The following TMEM143 variants were observed in gnomAD, a reference collection of about 807,000 sequenced individuals.
TMEM143 encodes the protein transmembrane protein 143.
A neutral mutation model predicts 40.3 loss-of-function variants in TMEM143; 45 were observed. That is an observed-to-expected ratio of 1.12 (90% CI 0.88 to 1.43). TMEM143 has a LOEUF of 1.43. Among genes scored for constraint, TMEM143 ranks in the 40% most tolerant of loss-of-function variants. TMEM143 has a pLI of 0.00. For synonymous variants in TMEM143, 299 were observed against 282.7 expected (o/e 1.06, Z -0.58); for missense variants, 620 against 613.4 (o/e 1.01, Z -0.11).
intron 3 of TMEM143, among the ~76,000 whole-genome samples, chr19:48,355,097 A>G (rs1389604331): frequency 6.6e-6 from 1 of 151,436 alleles, no homozygotes; most frequent in Non-Finnish European, 1.5e-5. Context: ...GCTCACTGCA[A>G]CCTCCACCTC....
Position 48,363,879 on chromosome 19 carries a change from C to A in TMEM143, c.23+19G>T, listed in dbSNP as rs372676457. 165 of 1,613,948 alleles carry A rather than the reference C, an allele frequency of 1.0e-4. No individual in the cohort carries two copies. Among genetic ancestry groups the A allele is most frequent in the Middle Eastern group, 6.6e-4 (4 of 6,060 alleles). On this transcript the variant is annotated intron_variant, in intron 1 of 7. Coordinates refer to ENST00000293261, the MANE Select transcript of TMEM143 (RefSeq NM_018273.4). ...GGGCCGCCCTCCCTGGCCATGCAAT[C>A]CCCCGATTTCTCCCTCACCTTAGCC...
At chr19:48,358,502 G>C (rs578104753) in intron 3 of TMEM143, among the ~76,000 whole-genome samples, 1 of 151,634 alleles carries the variant, frequency 6.6e-6, no homozygotes, top group Non-Finnish European at 1.5e-5. Flanking sequence ...ATCCCACCAC[G>C]GTCTCCCCCA....
At chr19:48,346,486 C>T (rs1969636239) in intron 3 of TMEM143, among the ~76,000 whole-genome samples, 1 of 152,186 alleles carries the variant, frequency 6.6e-6, no homozygotes, top group African/African-American at 2.4e-5. Context: ...ATCTCCTTTG[C>T]TGCTATCTTC....
At chr19:48,351,348 C>T (rs977581845) in intron 3 of TMEM143, among the ~76,000 whole-genome samples, 1 of 152,202 alleles carries the variant, frequency 6.6e-6, no homozygotes, top group African/African-American at 2.4e-5. Flanking sequence ...GATGCAAAAT[C>T]TAACTGCTTC....
chr19:48,356,427 T>TA (rs1969896951), intron 3 of TMEM143, among the ~76,000 whole-genome samples: 1 of 92,860 alleles, frequency 1.1e-5, no homozygotes, highest in African/African-American at 3.7e-5. Flanking sequence ...CGCCCGGCCC[T>TA]CCTTTTTTTT....
At position 48,363,341 on chromosome 19, in the gene TMEM143, C is replaced by T; in HGVS notation, c.214G>A (p.Glu72Lys). ...EPRDWAQQYR[E>K]RFIPFSKEQL... ...TCCTTGGAGAAGGGAATGAAGCGCT[C>T]GCGGTACTGCTGGGCCCAGTCGCGG... Residue 72 changes from glutamate to lysine, a missense_variant, in exon 2 of 8, where the codon GAG becomes AAG. By Grantham distance (56) the Glu-to-Lys change is moderately conservative. Transcript: ENST00000293261. The T allele has an allele frequency of 3.1e-6, 5 of 1,614,208 alleles. No individual in the cohort carries two copies. Among genetic ancestry groups the T allele is most frequent in the Non-Finnish European group, 4.2e-6 (5 of 1,180,038 alleles).
Position 48,363,882 on chromosome 19 carries a change from C to T in TMEM143, c.23+16G>A, listed in dbSNP as rs775728434. On this transcript the variant is annotated intron_variant, in intron 1 of 7. Transcript: ENST00000293261. The stretch of plus-strand genomic sequence containing the variant: ...CCGCCCTCCCTGGCCATGCAATCCC[C>T]CGATTTCTCCCTCACCTTAGCCAAA... The T allele has an allele frequency of 6.2e-7, 1 of 1,613,958 alleles. No individual in the cohort carries two copies. The highest frequency in any genetic ancestry group is 2.2e-5 in the East Asian group (1 of 44,868).
At chr19:48,350,644 G>T (rs146333963) in intron 3 of TMEM143, among the ~76,000 whole-genome samples, 1 of 151,990 alleles carries the variant, frequency 6.6e-6, no homozygotes, top group Non-Finnish European at 1.5e-5. Flanking sequence ...AATTGGTGCC[G>T]GGCACAGTGG....
At chr19:48,346,446 C>T (rs1443340504) in intron 3 of TMEM143, among the ~76,000 whole-genome samples, 1 of 152,162 alleles carries the variant, frequency 6.6e-6, no homozygotes, top group Non-Finnish European at 1.5e-5. Context: ...TGCTAAACCC[C>T]TGAATCTTCT....
intron 3 of TMEM143, among the ~76,000 whole-genome samples, chr19:48,356,199 C>A (rs1569036155): frequency 6.6e-6 from 1 of 151,440 alleles, no homozygotes; most frequent in Non-Finnish European, 1.5e-5. Context: ...CTCACTGCAA[C>A]CTCCGCCTCC....
In TMEM143 at chr19:48,356,135, T is replaced by G. The variant is rs188492601; in HGVS notation, c.369+3937A>C. Among the ~76,000 whole-genome samples, 885 of 151,600 alleles carry G rather than the reference T, an allele frequency of 5.8e-3. 7 individuals carry two copies. The highest frequency in any genetic ancestry group is 0.02 in the African/African-American group (825 of 41,228). Reference sequence around the variant, plus strand: ...TTCCTTTTTTTTTCTTTTTTTTTTTTGGGATGGAGTCTCACTCTGCTGCCC... The same window carrying G: ...TTCCTTTTTTTTTCTTTTTTTTTTTGGGGATGGAGTCTCACTCTGCTGCCC... On this transcript the variant is annotated intron_variant, in intron 3 of 7. Transcript: ENST00000293261.
At chr19:48,339,558 C>T (rs1411594388) in intron 6 of TMEM143, among the ~76,000 whole-genome samples, 1 of 152,060 alleles carries the variant, frequency 6.6e-6, no homozygotes, top group Non-Finnish European at 1.5e-5. Context: ...ACTCTGGGCT[C>T]ATGGGGACAC....
intron 3 of TMEM143, among the ~76,000 whole-genome samples, chr19:48,359,085 C>A (rs1207703284): frequency 1.3e-5 from 2 of 152,128 alleles, no homozygotes; most frequent in Non-Finnish European, 2.9e-5. Context: ...AGGAGAATCG[C>A]TTGAACTGGG....
At chr19:48,351,888 G>A (rs1315528210) in intron 3 of TMEM143, among the ~76,000 whole-genome samples, 1 of 151,950 alleles carries the variant, frequency 6.6e-6, no homozygotes. Context: ...GGTATCCATA[G>A]GACATCAGTT....
chr19:48,357,305 A>T, intron 3 of TMEM143, among the ~76,000 whole-genome samples: 1 of 140,396 alleles, frequency 7.1e-6, no homozygotes, highest in Non-Finnish European at 1.5e-5. Flanking sequence ...CTCAGCCCAG[A>T]CCTCTCCCTT....
chr19:48,335,154 G>A (rs1275428725), intron 6 of TMEM143, among the ~76,000 whole-genome samples: 1 of 152,224 alleles, frequency 6.6e-6, no homozygotes, highest in Non-Finnish European at 1.5e-5. Flanking sequence ...GGACAGTGGA[G>A]GTCTTCAGGG....
intron 6 of TMEM143, among the ~76,000 whole-genome samples, chr19:48,340,496 C>T (rs112572414): frequency 0.015 from 2,326 of 151,392 alleles, 30 homozygotes; most frequent in Middle Eastern, 0.12. Context: ...AACTCCTGGG[C>T]TCAAGCGATC....
chr19:48,359,342 A>C (rs1235863930), intron 3 of TMEM143, among the ~76,000 whole-genome samples: 1 of 150,010 alleles, frequency 6.7e-6, no homozygotes, highest in Non-Finnish European at 1.5e-5. Context: ...GCCTCCACTC[A>C]CCTCAGGGCC....
intron 6 of TMEM143, among the ~76,000 whole-genome samples, chr19:48,340,066 C>T (rs1210946185): frequency 6.7e-6 from 1 of 149,666 alleles, no homozygotes; most frequent in Non-Finnish European, 1.5e-5. Context: ...CACCCCAAGG[C>T]GTGGGGAAAT....
Sources: gnomAD v4.1 joint callset for allele counts (sites outside exome capture counted in the v4.1 genomes callset) on GRCh38, gnomAD v4.1.1 for gene constraint, MANE v1.5 for transcripts, NCBI Gene and HGNC (gene_info 2026-07-23, HGNC 2026-07-21) for gene names.